Variants in DENND3 observed in about 807,000 individuals in gnomAD.
The protein encoded by DENND3 is DENN domain containing 3, also known as DENN domain-containing protein 3.
In DENND3, 88 loss-of-function variants were observed where a neutral mutation model predicts 135.1. The observed-to-expected ratio is 0.65, with a 90% CI of 0.55 to 0.78. The LOEUF is 0.78. Among genes scored for constraint, DENND3 ranks in the 30% least tolerant of loss-of-function variants. DENND3 has a pLI of 0.00. For synonymous variants in DENND3, 693 were observed against 712.3 expected, an observed-to-expected ratio of 0.97 and a Z score of 0.43; for missense variants, 1,392 against 1,688.4, an observed-to-expected ratio of 0.82 and a Z score of 3.08.
chr8:141,181,354 C>T (rs187703092), intron 17 of DENND3, among the ~76,000 whole-genome samples: 2 of 152,336 alleles, frequency 1.3e-5, no homozygotes, highest in East Asian at 3.9e-4. Context: ...AGCACTCTTG[C>T]TCACATCGTT....
intron 16 of DENND3, among the ~76,000 whole-genome samples, chr8:141,179,050 C>A (rs1286060892): frequency 6.6e-6 from 1 of 152,320 alleles, no homozygotes; most frequent in African/African-American, 2.4e-5. Context: ...TTTAAAAAGT[C>A]GCAGAATTAG....
chr8:141,135,272 C>T (rs983298024), intron 1 of DENND3, among the ~76,000 whole-genome samples: 2 of 152,042 alleles, frequency 1.3e-5, no homozygotes, highest in African/African-American at 4.8e-5. Flanking sequence ...CTGCCTTAGC[C>T]TCCTGTGTAG....
intron 17 of DENND3, among the ~76,000 whole-genome samples, chr8:141,184,086 G>A (rs979303084): frequency 2.0e-5 from 3 of 152,188 alleles, no homozygotes; most frequent in South Asian, 2.1e-4. Context: ...CTTCATGGCC[G>A]GACACGGCGC....
intron 5 of DENND3, among the ~76,000 whole-genome samples, chr8:141,149,378 C>T (rs575154796): frequency 2.0e-5 from 3 of 152,320 alleles, no homozygotes; most frequent in South Asian, 4.1e-4. Flanking sequence ...TTGATGCAGA[C>T]AAGAGTTAAG....
chr8:141,150,817 G>A lies in DENND3; in HGVS notation c.736-17G>A. On this transcript the variant is annotated splice_polypyrimidine_tract_variant and intron_variant, in intron 5 of 22. Transcript: ENST00000519811. ...GGAGCAGCTCTCTGAACTAATGACG[G>A]GAACTGGTTGTCGTAGGTATTTAAC... 6.3e-7 allele frequency: 1 copy of A among 1,582,088 alleles called. No individual in the cohort carries two copies. The highest frequency in any genetic ancestry group is 8.6e-7 in the Non-Finnish European group (1 of 1,166,988).
chr8:141,186,054 T>G (rs1319577288), intron 18 of DENND3, among the ~76,000 whole-genome samples: 3 of 151,696 alleles, frequency 2.0e-5, no homozygotes, highest in Admixed American at 1.3e-4. Context: ...GGGATCCACC[T>G]CGGTCTCCTG....
intron 5 of DENND3, 50 bp from the exon 6 acceptor site, chr8:141,150,784 C>T: frequency 6.5e-7 from 1 of 1,527,010 alleles, no homozygotes; most frequent in Non-Finnish European, 8.8e-7. Flanking sequence ...GCACGTCAGC[C>T]TCTGCCCGGA....
intron 8 of DENND3, chr8:141,158,234 T>C (rs1485975337): frequency 1.6e-6 from 2 of 1,289,610 alleles, no homozygotes; most frequent in African/African-American, 3.0e-5. Flanking sequence ...AACTGTCCTC[T>C]GCGCGAACTT....
chr8:141,134,117 C>A (rs1816483726), intron 1 of DENND3, among the ~76,000 whole-genome samples: 1 of 152,056 alleles, frequency 6.6e-6, no homozygotes, highest in Non-Finnish European at 1.5e-5. Flanking sequence ...GAGGGCTGCT[C>A]ACTCATCTCA....
Position 141,155,952 on chromosome 8 carries a change from C to T in DENND3, c.1178C>T (p.Ala393Val). ...VDIPDVPLLA[A>V]QTFIQRVQSL... Reference sequence around the variant, plus strand: ...ATTCCTGATGTCCCCCTCCTGGCAGCCCAGACGTTTATTCAGAGGTAACGG... The same window carrying T: ...ATTCCTGATGTCCCCCTCCTGGCAGTCCAGACGTTTATTCAGAGGTAACGG... Residue 393 changes from alanine to valine, a missense_variant, in exon 8 of 23, where the codon GCC (alanine) becomes GTC (valine). Physicochemically the swap from Ala to Val is moderately conservative, Grantham distance 64. Transcript: ENST00000519811. 1 of 1,610,684 alleles carries T rather than the reference C, an allele frequency of 6.2e-7. No homozygotes were observed. Among genetic ancestry groups the T allele is most frequent in the Non-Finnish European group, 8.5e-7 (1 of 1,178,074 alleles).
chr8:141,183,276 G>A (rs1297727783), intron 17 of DENND3, among the ~76,000 whole-genome samples: 1 of 152,088 alleles, frequency 6.6e-6, no homozygotes, highest in African/African-American at 2.4e-5. Flanking sequence ...TTCTGAGACA[G>A]GGTCTGACTC....
rs1051602699 is a variant in DENND3 at position 141,154,903 on chromosome 8, A to G, written c.1075-946A>G. Among the ~76,000 whole-genome samples, 3 of 152,188 alleles carry G rather than the reference A, an allele frequency of 2.0e-5. No homozygotes were observed. Among genetic ancestry groups the G allele is most frequent in the Admixed American group, 6.5e-5 (1 of 15,278 alleles). ...ACTGAAAGAGAAAGGCATATGGGTA[A>G]GCAAAATGTGGTCTTTCCAAATAAT... On this transcript the variant is annotated intron_variant, in intron 7 of 22. Coordinates refer to ENST00000519811, the MANE Select transcript of DENND3 (RefSeq NM_001352890.3). The surrounding 1 kb of genome is among the most constrained non-coding windows in gnomAD (Gnocchi z 4.4).
chr8:141,154,207 C>T lies in DENND3; in HGVS notation c.1075-1642C>T, dbSNP rs563208391. ...GGGCCCAGAATGAGAGCCGGGGAGT[C>T]GGGGCCTTCCCCAGGAACCTGGCAT... On this transcript the variant is annotated intron_variant, in intron 7 of 22. Transcript: ENST00000519811. This position sits in a 1 kb window ranked among gnomAD's most constrained non-coding sequence, Gnocchi z 4.4. Among the ~76,000 whole-genome samples the T allele has an allele frequency of 1.2e-4, 19 of 152,368 alleles. No homozygotes were observed. The South Asian group carries it at 2.5e-3, about 20-fold the overall frequency.
chr8:141,163,051 G>T (rs7016324), intron 9 of DENND3, among the ~76,000 whole-genome samples: 1 of 152,204 alleles, frequency 6.6e-6, no homozygotes, highest in South Asian at 2.1e-4. Context: ...TGTGTGGACC[G>T]CAACTGACTT....
chr8:141,182,215 C>A lies in DENND3; in HGVS notation c.2944+1361C>A. 1 of 796,278 alleles carries A rather than the reference C, an allele frequency of 1.3e-6. No homozygotes were observed. The allele number at this position is 796,278 out of a possible 1,614,324, so 49.3% of individuals were successfully genotyped here. A position where few individuals can be genotyped will look rare whatever the true frequency, so the allele number is the denominator to read the frequency against. On this transcript the variant is annotated intron_variant, in intron 17 of 22. Transcript: ENST00000519811. This position sits in a 1 kb window ranked among gnomAD's most constrained non-coding sequence, Gnocchi z 5.9. ...CTCTCACAGGCCATGTCCGCGGCTT[C>A]ACAGAGCACCTGGCCATTCACACAC...
At chr8:141,189,174 G>C in intron 19 of DENND3, 28 bp downstream of exon 19, 1 of 1,613,878 alleles carries the variant, frequency 6.2e-7, no homozygotes, top group South Asian at 1.1e-5. Context: ...GGGGAGAAGG[G>C]ACTGTTTGGC....
At position 141,182,515 on chromosome 8, in the gene DENND3, T is replaced by C. The variant is rs552857496; in HGVS notation, c.2944+1661T>C. On this transcript the variant is annotated intron_variant, in intron 17 of 22. Coordinates refer to ENST00000519811, the MANE Select transcript of DENND3 (RefSeq NM_001352890.3). This position sits in a 1 kb window ranked among gnomAD's most constrained non-coding sequence, Gnocchi z 5.9. ...ATTTTTAGGTCCCGGTTGGTTTCCC[T>C]GAAATGAAACTCACTCTGAGCTTCC... is the stretch of plus-strand genomic sequence containing the variant. The C allele has an allele frequency of 6.3e-5, 62 of 984,390 alleles. No individual in the cohort carries two copies. Among genetic ancestry groups the C allele is most frequent in the Non-Finnish European group, 6.9e-5 (57 of 829,124 alleles). 61.0% of individuals were successfully genotyped at this position (984,390 alleles called of 1,614,324 possible).
chr8:141,185,916 G>A (rs1216167896), intron 18 of DENND3, among the ~76,000 whole-genome samples: 5 of 151,774 alleles, frequency 3.3e-5, no homozygotes, highest in Non-Finnish European at 1.5e-5. Flanking sequence ...CTTATTACAG[G>A]CTTCACACAC....
rs1225452296 is a variant in DENND3 at position 141,174,133 on chromosome 8, C to T, written c.2276-1067C>T. Among the ~76,000 whole-genome samples the T allele has an allele frequency of 6.6e-6, 1 of 152,068 alleles. No homozygotes were observed. Among genetic ancestry groups the T allele is most frequent in the East Asian group, 1.9e-4 (1 of 5,200 alleles). ...GAGTGTGTGTGTGCGTGTAACAACA[C>T]GACCTGTTTGGGAGCATGCTTGGTA... On this transcript the variant is annotated intron_variant, in intron 13 of 22. Transcript: ENST00000519811. The surrounding 1 kb of genome is among the most constrained non-coding windows in gnomAD (Gnocchi z 4.6).
Sources: gnomAD v4.1 joint callset for allele counts (sites outside exome capture counted in the v4.1 genomes callset) on GRCh38, gnomAD v4.1.1 for gene constraint, Gnocchi (gnomAD v3.1) non-coding constraint, MANE v1.5 for transcripts, NCBI Gene and HGNC (gene_info 2026-07-23, HGNC 2026-07-21) for gene names.